AKAP10: variants seen among roughly 807,000 people sequenced by gnomAD.
AKAP10 encodes A-kinase anchor protein 10, mitochondrial.
A neutral mutation model predicts 80.8 loss-of-function variants in AKAP10; 24 were observed. That is an observed-to-expected ratio of 0.30 (90% CI 0.22 to 0.42). The LOEUF (loss-of-function observed/expected upper bound fraction) is 0.42. Among genes scored for constraint, AKAP10 ranks in the 10% least tolerant of loss-of-function variants. The pLI is 1.00. For synonymous variants in AKAP10, 291 were observed against 277.7 expected, an observed-to-expected ratio of 1.05 and a Z score of -0.48; for missense variants, 661 against 794.9, an observed-to-expected ratio of 0.83 and a Z score of 2.03.
intron 12 of AKAP10, among the ~76,000 whole-genome samples, chr17:19,911,792 G>T (rs965739326): frequency 1.7e-5 from 2 of 120,226 alleles, no homozygotes; most frequent in African/African-American, 6.1e-5. Flanking sequence ...CCGAGATCAC[G>T]CCATTGCACT....
At chr17:19,928,789 G>A (rs765919117) in intron 10 of AKAP10, among the ~76,000 whole-genome samples, 22 of 152,132 alleles carry the variant, frequency 1.4e-4, no homozygotes, top group Non-Finnish European at 2.6e-4. Flanking sequence ...AGAACTGCTT[G>A]AACCCAGGAG....
intron 4 of AKAP10, among the ~76,000 whole-genome samples, chr17:19,949,274 A>G (rs1319334854): frequency 1.3e-5 from 2 of 152,146 alleles, no homozygotes; most frequent in Non-Finnish European, 2.9e-5. Context: ...TTCACTACAA[A>G]GACTCAATAA....
intron 12 of AKAP10, among the ~76,000 whole-genome samples, chr17:19,917,838 G>A (rs953151828): frequency 2.0e-5 from 3 of 151,940 alleles, no homozygotes; most frequent in African/African-American, 7.3e-5. Flanking sequence ...CAGAATAATT[G>A]CTAGAACCTG....
At chr17:19,916,428 A>C (rs2042742774) in intron 12 of AKAP10, among the ~76,000 whole-genome samples, 1 of 152,212 alleles carries the variant, frequency 6.6e-6, no homozygotes, top group African/African-American at 2.4e-5. Flanking sequence ...GAATAACATA[A>C]ACAGACTGAA....
intron 2 of AKAP10, among the ~76,000 whole-genome samples, chr17:19,964,337 T>C (rs2043389583): frequency 6.6e-6 from 1 of 152,178 alleles, no homozygotes; most frequent in Non-Finnish European, 1.5e-5. Context: ...TGATAGTCTA[T>C]CTTTCTTGGT....
At chr17:19,910,342 A>C (rs964268307) in intron 12 of AKAP10, among the ~76,000 whole-genome samples, 3 of 149,660 alleles carry the variant, frequency 2.0e-5, no homozygotes, top group Non-Finnish European at 3.0e-5. Flanking sequence ...AAAAAAAAAA[A>C]CCACTATCAC....
intron 4 of AKAP10, among the ~76,000 whole-genome samples, chr17:19,950,842 G>C (rs1294812088): frequency 1.3e-5 from 2 of 151,708 alleles, no homozygotes; most frequent in African/African-American, 4.8e-5. Context: ...CTTCCCGGCT[G>C]CCATCCCGTC....
At chr17:19,917,985 C>T (rs774056440) in intron 12 of AKAP10, among the ~76,000 whole-genome samples, 1 of 151,974 alleles carries the variant, frequency 6.6e-6, no homozygotes, top group South Asian at 2.1e-4. Context: ...CTTTGGGAGG[C>T]CGAGGTGGGC....
At position 19,974,300 on chromosome 17, in the gene AKAP10, G is replaced by T. The variant is rs533481426; in HGVS notation, c.88+3292C>A. 2.0e-5 allele frequency among the ~76,000 whole-genome samples: 3 copies of T among 152,318 alleles called. No homozygotes were observed. The South Asian group carries it at 6.2e-4, about 32-fold the overall frequency. On this transcript the variant is annotated intron_variant, in intron 1 of 14. Coordinates refer to ENST00000225737, the MANE Select transcript of AKAP10 (RefSeq NM_007202.4). Reference sequence around the variant, plus strand: ...AAATTTTAGATATTGTAAGTTGAAGGTATCTACTGGATTAAGCTTGTCCAT... The same window carrying T: ...AAATTTTAGATATTGTAAGTTGAAGTTATCTACTGGATTAAGCTTGTCCAT...
At chr17:19,935,258 G>C (rs1182411179) in intron 9 of AKAP10, among the ~76,000 whole-genome samples, 1 of 152,132 alleles carries the variant, frequency 6.6e-6, no homozygotes, top group Non-Finnish European at 1.5e-5. Flanking sequence ...AAAAGGCACA[G>C]TAAAAATACA....
Position 19,909,904 on chromosome 17 carries a change from TTATCCTA to T in AKAP10, c.1887+15_1887+21del. 6.2e-7 allele frequency: 1 copy of T among 1,610,690 alleles called. No individual in the cohort carries two copies. The highest frequency in any genetic ancestry group is 8.5e-7 in the Non-Finnish European group (1 of 1,178,432). ...GTGGCACTTATAAACAGAAATCTTT[TTATCCTA>T]AAGGTAGGATTTACCTCATCAGTAT... On this transcript the variant is annotated intron_variant, in intron 13 of 14. Coordinates refer to ENST00000225737, the MANE Select transcript of AKAP10 (RefSeq NM_007202.4).
intron 1 of AKAP10, among the ~76,000 whole-genome samples, chr17:19,971,386 G>A (rs1041842218): frequency 2.0e-5 from 3 of 151,594 alleles, no homozygotes; most frequent in African/African-American, 7.3e-5. Context: ...GTGCATGCCT[G>A]TAATCCCAAC....
chr17:19,942,080 G>A (rs1638527), intron 5 of AKAP10, among the ~76,000 whole-genome samples, 170 bp from the exon 6 acceptor site: 31,898 of 152,082 alleles, frequency 0.21, 3,608 homozygotes, highest in Middle Eastern at 0.29. Context: ...GTCTTTTGAA[G>A]TACATATGCA....
intron 1 of AKAP10, among the ~76,000 whole-genome samples, chr17:19,976,127 CCT>C (rs371235664): frequency 4.8e-4 from 73 of 152,264 alleles, no homozygotes; most frequent in African/African-American, 1.5e-3. Context: ...CTGGTCTGCC[CCT>C]GTTACAGTTA....
At position 19,936,378 on chromosome 17, in the gene AKAP10, A is replaced by G. The variant is rs2042992327; in HGVS notation, c.1375T>C (p.Leu459=). ...CTGCAGATATTGGATTCAATTTCTA[A>G]TCGTACAACATCATCAAATCCAAGA... ...HPLGFDDVVR[L]EIESNICREG... The change falls in exon 9 of 15, where the codon TTA becomes CTA. Residue 459 remains leucine, a synonymous_variant. Coordinates refer to ENST00000225737, the MANE Select transcript of AKAP10 (RefSeq NM_007202.4). 2 of 1,613,694 alleles carry G rather than the reference A, an allele frequency of 1.2e-6. No individual in the cohort carries two copies. The highest frequency in any genetic ancestry group is 3.3e-5 in the Admixed American group (2 of 60,008).
intron 4 of AKAP10, among the ~76,000 whole-genome samples, chr17:19,951,052 G>A (rs1426226538): frequency 2.6e-5 from 4 of 152,246 alleles, no homozygotes; most frequent in African/African-American, 7.2e-5. Flanking sequence ...CGTCTGAGAA[G>A]TGAGGAGCCC....
At chr17:19,972,988 CTTTTG>C (rs2043518740) in intron 1 of AKAP10, among the ~76,000 whole-genome samples, 1 of 151,718 alleles carries the variant, frequency 6.6e-6, no homozygotes, top group Non-Finnish European at 1.5e-5. Flanking sequence ...AACCCACTAC[CTTTTG>C]TTTTGTTTTG....
At chr17:19,962,617 G>A (rs114935528) in intron 3 of AKAP10, among the ~76,000 whole-genome samples, 1,877 of 152,228 alleles carry the variant, frequency 0.012, 32 homozygotes, top group African/African-American at 0.042. Flanking sequence ...TTAGTGATCA[G>A]ATATATTTCT....
chr17:19,929,351 TAAAGCTGTACAAG>T (rs2042908139), intron 10 of AKAP10: 1 of 152,164 alleles, frequency 6.6e-6, no homozygotes, highest in South Asian at 2.1e-4. Context: ...ATTAGCACAA[TAAAGCTGTACAAG>T]AAAAGAATAC....
Sources: allele counts gnomAD v4.1 joint callset (sites outside exome capture counted in the v4.1 genomes callset), GRCh38; gene constraint gnomAD v4.1.1; transcripts MANE v1.5; gene names NCBI Gene and HGNC (gene_info 2026-07-23, HGNC 2026-07-21).